CNTN6: variants seen among roughly 807,000 people sequenced by gnomAD.
CNTN6 encodes contactin-6.
In CNTN6, 137 loss-of-function variants were observed where a neutral mutation model predicts 122.8. The observed-to-expected ratio is 1.12, with a 90% CI of 0.97 to 1.29. The LOEUF (loss-of-function observed/expected upper bound fraction) is 1.29, where lower values mean the gene tolerates loss of function less well. Ranked by LOEUF, CNTN6 falls within the 50% of genes most tolerant of loss-of-function variation. CNTN6 has a pLI of 0.00. For synonymous variants in CNTN6, 570 were observed against 426.0 expected, an observed-to-expected ratio of 1.34 and a Z score of -4.16; for missense variants, 1,634 against 1,223.4, an observed-to-expected ratio of 1.34 and a Z score of -5.01.
Position 1,325,857 on chromosome 3 carries a change from C to CT in CNTN6, c.990dup (p.Ile331TyrfsTer3), listed in dbSNP as rs1470707178. The CT allele has an allele frequency of 1.7e-5, 28 of 1,611,806 alleles. No homozygotes were observed. Among genetic ancestry groups the CT allele is most frequent in the Non-Finnish European group, 2.3e-5 (27 of 1,178,686 alleles). On this transcript the variant is annotated frameshift_variant, in exon 9 of 23. Transcript: ENST00000446702. LOFTEE classifies it high-confidence loss of function. ...CAGAAAATCCAAAATACACACCTCT[C>CT]TATCTATGACAACTTGCTCTGGGAA...
intron 1 of CNTN6, among the ~76,000 whole-genome samples, chr3:1,095,562 T>G (rs1265877343): frequency 6.6e-6 from 1 of 152,184 alleles, no homozygotes; most frequent in Non-Finnish European, 1.5e-5. Context: ...AAAAGAGAAG[T>G]TGAAACAACA....
At chr3:1,290,041 G>C in intron 5 of CNTN6, among the ~76,000 whole-genome samples, 1 of 152,184 alleles carries the variant, frequency 6.6e-6, no homozygotes, top group Non-Finnish European at 1.5e-5. Flanking sequence ...TTGTCACCTA[G>C]GAGCTTGTTA....
chr3:1,250,978 C>G (rs952062350), intron 4 of CNTN6, among the ~76,000 whole-genome samples: 1 of 152,058 alleles, frequency 6.6e-6, no homozygotes, highest in Non-Finnish European at 1.5e-5. Context: ...GCCATTAGCC[C>G]GCACTACTCA....
intron 1 of CNTN6, among the ~76,000 whole-genome samples, chr3:1,134,499 G>C (rs1445291855): frequency 1.3e-5 from 2 of 152,140 alleles, no homozygotes; most frequent in Middle Eastern, 3.4e-3. Context: ...CCTCCACACT[G>C]CTAGTAGCCC....
intron 3 of CNTN6, among the ~76,000 whole-genome samples, chr3:1,223,504 A>T (rs181168255): frequency 5.3e-5 from 8 of 152,242 alleles, no homozygotes; most frequent in Non-Finnish European, 7.3e-5. Flanking sequence ...GAGAATATGA[A>T]GTCCAGCCCT....
chr3:1,202,007 A>G (rs1474380432), intron 2 of CNTN6, among the ~76,000 whole-genome samples: 1 of 152,208 alleles, frequency 6.6e-6, no homozygotes, highest in Non-Finnish European at 1.5e-5. Flanking sequence ...ATATTCCATA[A>G]TAAGCATCCA....
At chr3:1,158,899 T>TACAC (rs1215687212) in intron 2 of CNTN6, among the ~76,000 whole-genome samples, 13 of 129,844 alleles carry the variant, frequency 1.0e-4, no homozygotes, top group African/African-American at 4.3e-4. Context: ...CACATATATA[T>TACAC]ACACATATAT....
At chr3:1,376,896 A>C (rs1709944820) in intron 16 of CNTN6, 109 bp from the exon 17 acceptor site, 12 of 670,172 alleles carry the variant, frequency 1.8e-5, no homozygotes, top group Non-Finnish European at 3.1e-5. Flanking sequence ...AGACTCTCTC[A>C]CAGTATGCCT....
At chr3:1,340,025 A>G (rs1703655353) in intron 11 of CNTN6, among the ~76,000 whole-genome samples, 1 of 152,150 alleles carries the variant, frequency 6.6e-6, no homozygotes, top group Admixed American at 6.6e-5. Context: ...TTGATACATC[A>G]TTTCGTTAAA....
At chr3:1,161,803 A>ACACAC (rs1559429428) in intron 2 of CNTN6, among the ~76,000 whole-genome samples, 12 of 143,262 alleles carry the variant, frequency 8.4e-5, no homozygotes, top group African/African-American at 3.0e-4. Context: ...CACACACACA[A>ACACAC]ACATATATAT....
intron 4 of CNTN6, among the ~76,000 whole-genome samples, chr3:1,269,872 A>C (rs1284103355): frequency 6.6e-6 from 1 of 152,126 alleles, no homozygotes; most frequent in East Asian, 1.9e-4. Context: ...TTCTCTACTT[A>C]TATATAAATT....
chr3:1,157,309 C>A (rs1041052886), intron 2 of CNTN6, among the ~76,000 whole-genome samples: 5 of 152,010 alleles, frequency 3.3e-5, no homozygotes, highest in Non-Finnish European at 5.9e-5. Context: ...CCTCTGCCTC[C>A]CAGGTTCAAG....
At chr3:1,260,249 T>C (rs1055893258) in intron 4 of CNTN6, among the ~76,000 whole-genome samples, 4 of 152,150 alleles carry the variant, frequency 2.6e-5, no homozygotes, top group Non-Finnish European at 4.4e-5. Flanking sequence ...CATTTTTTGT[T>C]TGTTTGTTTT....
intron 7 of CNTN6, among the ~76,000 whole-genome samples, chr3:1,320,920 A>C (rs1372875473): frequency 2.0e-5 from 3 of 151,702 alleles, no homozygotes; most frequent in Non-Finnish European, 4.4e-5. Flanking sequence ...AAGTAGACGA[A>C]ATTAATATTA....
At chr3:1,109,227 A>G (rs1020474836) in intron 1 of CNTN6, among the ~76,000 whole-genome samples, 1 of 152,078 alleles carries the variant, frequency 6.6e-6, no homozygotes, top group African/African-American at 2.4e-5. Flanking sequence ...GCCCGAGACT[A>G]CAGAGCAGGA....
chr3:1,097,738 A>G (rs2090608728), intron 1 of CNTN6, among the ~76,000 whole-genome samples: 1 of 152,184 alleles, frequency 6.6e-6, no homozygotes, highest in South Asian at 2.1e-4. Context: ...TATGTAAAAA[A>G]TCTTGGAAGA....
intron 7 of CNTN6, among the ~76,000 whole-genome samples, chr3:1,299,954 T>C (rs1235425021): frequency 2.0e-5 from 3 of 152,162 alleles, no homozygotes; most frequent in Admixed American, 2.0e-4. Context: ...CACTGAATTA[T>C]TCTAAAACCA....
intron 4 of CNTN6, among the ~76,000 whole-genome samples, chr3:1,254,254 C>G (rs79133964): frequency 1.3e-5 from 2 of 152,006 alleles, no homozygotes; most frequent in African/African-American, 4.8e-5. Flanking sequence ...TGAAGTATGG[C>G]TTGAAATTTT....
chr3:1,287,100 A>C (rs1694476850), intron 5 of CNTN6, among the ~76,000 whole-genome samples: 1 of 152,168 alleles, frequency 6.6e-6, no homozygotes, highest in African/African-American at 2.4e-5. Flanking sequence ...AAAGAAACTT[A>C]GACTCCCACA....
Sources: allele counts gnomAD v4.1 joint callset (sites outside exome capture counted in the v4.1 genomes callset), GRCh38; gene constraint gnomAD v4.1.1; transcripts MANE v1.5; gene names NCBI Gene and HGNC (gene_info 2026-07-23, HGNC 2026-07-21).